The following PEPD variants were observed in gnomAD, a reference collection of about 807,000 sequenced individuals.
PEPD encodes the protein xaa-Pro dipeptidase.
A neutral mutation model predicts 60.7 loss-of-function variants in PEPD; 53 were observed. The ratio of observed to expected loss-of-function variants is 0.87; its 90% CI spans 0.70 to 1.10. PEPD has a LOEUF of 1.10. PEPD is among the 50% of genes least tolerant of loss of function. PEPD has a pLI of 0.00. For synonymous variants in PEPD, 267 were observed against 284.1 expected (o/e 0.94, Z 0.60); for missense variants, 711 against 711.9 (o/e 1.00, Z 0.01).
At chr19:33,432,911 C>T (rs1271728187) in intron 9 of PEPD, among the ~76,000 whole-genome samples, 1 of 152,252 alleles carries the variant, frequency 6.6e-6, no homozygotes, top group Non-Finnish European at 1.5e-5. Flanking sequence ...ATGCACACGC[C>T]TTCCAGAGGC....
chr19:33,428,436 T>C (rs1969198703), intron 9 of PEPD, among the ~76,000 whole-genome samples: 1 of 151,836 alleles, frequency 6.6e-6, no homozygotes, highest in Non-Finnish European at 1.5e-5. Context: ...CTTTAACAGG[T>C]CCCCTCCTGG....
intron 9 of PEPD, among the ~76,000 whole-genome samples, chr19:33,439,697 C>T (rs1030579155): frequency 2.6e-5 from 4 of 152,226 alleles, no homozygotes; most frequent in African/African-American, 7.2e-5. Flanking sequence ...GTGGGTCACA[C>T]AGCCCAGCAC....
intron 9 of PEPD, among the ~76,000 whole-genome samples, chr19:33,417,064 A>G (rs1006002832): frequency 6.6e-6 from 1 of 152,252 alleles, no homozygotes; most frequent in Admixed American, 6.5e-5. Flanking sequence ...ATCACCTAAC[A>G]TGAAGACGAG....
chr19:33,472,421 TC>T (rs912849341), intron 7 of PEPD, among the ~76,000 whole-genome samples: 2 of 151,720 alleles, frequency 1.3e-5, no homozygotes, highest in Non-Finnish European at 2.9e-5. Context: ...TCACAGAGAG[TC>T]CCCAGCTCAT....
intron 9 of PEPD, among the ~76,000 whole-genome samples, chr19:33,454,263 T>A (rs973689482): frequency 1.3e-5 from 2 of 152,182 alleles, no homozygotes; most frequent in African/African-American, 4.8e-5. Context: ...CACAGAATAC[T>A]GGATTATAAA....
chr19:33,434,601 G>A (rs1267984623), intron 9 of PEPD, among the ~76,000 whole-genome samples: 1 of 151,812 alleles, frequency 6.6e-6, no homozygotes, highest in African/African-American at 2.4e-5. Context: ...GGACGAGGGC[G>A]CATCTGGCCT....
chr19:33,496,122 GA>G (rs1970598582), intron 4 of PEPD, among the ~76,000 whole-genome samples: 1 of 152,198 alleles, frequency 6.6e-6, no homozygotes, highest in Non-Finnish European at 1.5e-5. Flanking sequence ...ACGTTGATGT[GA>G]ATGTTCTGCA....
At chr19:33,414,129 T>C (rs1156366953) in intron 9 of PEPD, among the ~76,000 whole-genome samples, 1 of 152,132 alleles carries the variant, frequency 6.6e-6, no homozygotes, top group Non-Finnish European at 1.5e-5. Flanking sequence ...GCACAGGAGC[T>C]ATGGGCAGAA....
At chr19:33,390,065 T>C (rs1024237082) in intron 13 of PEPD, among the ~76,000 whole-genome samples, 2 of 152,248 alleles carry the variant, frequency 1.3e-5, no homozygotes, top group Non-Finnish European at 2.9e-5. Context: ...CAACTTTTAT[T>C]GGGCTCCAAG....
intron 1 of PEPD, among the ~76,000 whole-genome samples, chr19:33,516,512 G>A (rs930795392): frequency 1.3e-5 from 2 of 152,016 alleles, no homozygotes; most frequent in Non-Finnish European, 2.9e-5. Flanking sequence ...GACCAAGAAC[G>A]GAGTGACCAA....
intron 6 of PEPD, among the ~76,000 whole-genome samples, chr19:33,488,486 C>G (rs1227991058): frequency 6.6e-6 from 1 of 152,086 alleles, no homozygotes; most frequent in African/African-American, 2.4e-5. Context: ...CAGGGAGTCC[C>G]GGGACTGGGA....
chr19:33,454,212 G>C (rs180676618), intron 9 of PEPD, among the ~76,000 whole-genome samples: 1 of 152,170 alleles, frequency 6.6e-6, no homozygotes, highest in African/African-American at 2.4e-5. Context: ...GGAGTCAAAC[G>C]AAAGAGCCCT....
At chr19:33,448,469 T>A (rs1969634408) in intron 9 of PEPD, among the ~76,000 whole-genome samples, 2 of 152,132 alleles carry the variant, frequency 1.3e-5, no homozygotes, top group Non-Finnish European at 2.9e-5. Context: ...TCCAGAGGCC[T>A]GGAGGCACCC....
At chr19:33,417,020 G>A (rs952472089) in intron 9 of PEPD, among the ~76,000 whole-genome samples, 6 of 152,240 alleles carry the variant, frequency 3.9e-5, no homozygotes, top group South Asian at 2.1e-4. Flanking sequence ...GAGCGCTCCC[G>A]GGCACACGGC....
At chr19:33,510,913 C>T in intron 3 of PEPD, 115 bp downstream of exon 3, 1 of 1,087,424 alleles carries the variant, frequency 9.2e-7, no homozygotes, top group Non-Finnish European at 1.4e-6. Flanking sequence ...CTTCCTCCTG[C>T]AGCTCTTCCC....
At chr19:33,455,678 ATTT>A (rs34754945) in intron 9 of PEPD, among the ~76,000 whole-genome samples, 2 of 134,606 alleles carry the variant, frequency 1.5e-5, no homozygotes. Flanking sequence ...AATTAAAAAC[ATTT>A]TTTTTTTTTT....
chr19:33,406,533 G>A (rs1241638046), intron 11 of PEPD, among the ~76,000 whole-genome samples: 2 of 152,222 alleles, frequency 1.3e-5, no homozygotes, highest in African/African-American at 4.8e-5. Flanking sequence ...AGTCTCCCTC[G>A]GAGGAAACAG....
At chr19:33,405,919 C>T (rs1275121662) in intron 11 of PEPD, among the ~76,000 whole-genome samples, 3 of 152,246 alleles carry the variant, frequency 2.0e-5, no homozygotes, top group African/African-American at 7.2e-5. Flanking sequence ...CCCTGGTGCA[C>T]GCGGTGGGTG....
chr19:33,443,544 A>G (rs1245583042), intron 9 of PEPD, among the ~76,000 whole-genome samples: 1 of 152,258 alleles, frequency 6.6e-6, no homozygotes, highest in Non-Finnish European at 1.5e-5. Flanking sequence ...CATGTACACA[A>G]TACCATGTGC....
Sources: allele counts gnomAD v4.1 joint callset (sites outside exome capture counted in the v4.1 genomes callset), GRCh38; gene constraint gnomAD v4.1.1; transcripts MANE v1.5; gene names NCBI Gene and HGNC (gene_info 2026-07-23, HGNC 2026-07-21).